MTUS2: variants seen among roughly 807,000 people sequenced by gnomAD.
The protein encoded by MTUS2 is microtubule associated scaffold protein 2.
In MTUS2, 40 loss-of-function variants were observed where a neutral mutation model predicts 114.1. The ratio of observed to expected loss-of-function variants is 0.35; its 90% confidence interval spans 0.27 to 0.46. The LOEUF (loss-of-function observed/expected upper bound fraction) is 0.46, where lower values mean the gene tolerates loss of function less well. Ranked by LOEUF, MTUS2 falls within the 20% of genes least tolerant of loss-of-function variation. The probability of loss-of-function intolerance (pLI) is 1.00; values close to 1 mark genes in which losing one functional copy is unlikely to be tolerated. For synonymous variants in MTUS2, 688 were observed against 672.0 expected (o/e 1.02, Z -0.37); for missense variants, 1,679 against 1,705.4 (o/e 0.98, Z 0.27).
At chr13:29,266,659 G>A (rs36015540) in intron 5 of MTUS2, among the ~76,000 whole-genome samples, 2,017 of 152,164 alleles carry the variant, frequency 0.013, 27 homozygotes, top group East Asian at 0.081. Flanking sequence ...GGCCCACCTC[G>A]GTCATGCCCA....
chr13:28,902,544 G>C (rs1879706173), intron 2 of MTUS2, among the ~76,000 whole-genome samples: 1 of 151,894 alleles, frequency 6.6e-6, no homozygotes, highest in African/African-American at 2.4e-5. Flanking sequence ...TCATGAGTGG[G>C]TGTTGGATTT....
chr13:29,389,332 T>TATGTATACACATGTGTGTAC lies in MTUS2; in HGVS notation c.3117+29861_3117+29862insGTATACACATGTGTGTACAT, dbSNP rs1217765810. On this transcript the variant is annotated intron_variant, in intron 8 of 15. Transcript: ENST00000612955. The stretch of plus-strand genomic sequence containing the variant: ...ATATATGTATACACATATGTGTGTA[T>TATGTATACACATGTGTGTAC]ATATGTATGCACGTGTGTGTATATA... Among the ~76,000 whole-genome samples, 16 of 48,066 alleles carry TATGTATACACATGTGTGTAC rather than the reference T, an allele frequency of 3.3e-4. 1 individual carries two copies. Among genetic ancestry groups the TATGTATACACATGTGTGTAC allele is most frequent in the African/African-American group, 7.0e-4 (16 of 22,868 alleles). 31.5% of individuals were successfully genotyped at this position (48,066 alleles called of 152,430 possible). A position where few individuals can be genotyped will look rare whatever the true frequency, so the allele number is the denominator to read the frequency against.
chr13:29,236,452 C>T (rs911490824), intron 5 of MTUS2, among the ~76,000 whole-genome samples: 1 of 152,282 alleles, frequency 6.6e-6, no homozygotes, highest in African/African-American at 2.4e-5. Context: ...AGGCAAGAAC[C>T]TAGAAAGCTG....
At chr13:29,098,170 G>C (rs1213059999) in intron 4 of MTUS2, among the ~76,000 whole-genome samples, 2 of 152,128 alleles carry the variant, frequency 1.3e-5, no homozygotes, top group African/African-American at 4.8e-5. Flanking sequence ...GACTTATACT[G>C]TGGGCTAAAT....
At chr13:29,453,790 A>G (rs1365831763) in intron 9 of MTUS2, among the ~76,000 whole-genome samples, 1 of 152,234 alleles carries the variant, frequency 6.6e-6, no homozygotes, top group East Asian at 1.9e-4. Context: ...AAATGAGTTC[A>G]TGTTTATGAA....
chr13:29,208,381 G>A lies in MTUS2; in HGVS notation c.2645-73323G>A, dbSNP rs146266645. ...TTTTGTTTATCTTTTCAAAGAACAA[G>A]CTTTTTGTTTCTTTTATCTTTTGTT... On this transcript the variant is annotated intron_variant, in intron 5 of 15. Coordinates refer to ENST00000612955, the MANE Select transcript of MTUS2 (RefSeq NM_001033602.4). Among the ~76,000 whole-genome samples, 79 of 151,938 alleles carry A rather than the reference G, an allele frequency of 5.2e-4. 1 individual carries two copies. The East Asian group carries it at 0.013, about 25-fold the overall frequency.
intron 8 of MTUS2, among the ~76,000 whole-genome samples, chr13:29,422,648 C>CTTTTTTTTTT (rs11342823): frequency 7.4e-5 from 5 of 67,978 alleles, no homozygotes; most frequent in African/African-American, 1.2e-4. Flanking sequence ...GATTTCTTTT[C>CTTTTTTTTTT]TTTTTTTTTT....
chr13:29,270,654 A>G (rs1440330009), intron 5 of MTUS2, among the ~76,000 whole-genome samples: 2 of 152,210 alleles, frequency 1.3e-5, no homozygotes, highest in African/African-American at 4.8e-5. Context: ...TGGGGCTGGT[A>G]CCATGCCCCG....
chr13:28,868,666 C>G (rs1877441217), intron 2 of MTUS2, among the ~76,000 whole-genome samples: 1 of 152,220 alleles, frequency 6.6e-6, no homozygotes, highest in African/African-American at 2.4e-5. Context: ...TCAGTATCAC[C>G]TGCCACCATC....
chr13:29,294,008 C>A (rs1898830370), intron 6 of MTUS2, among the ~76,000 whole-genome samples: 1 of 151,972 alleles, frequency 6.6e-6, no homozygotes, highest in African/African-American at 2.4e-5. Context: ...AAATTTTGTT[C>A]TTTCTATATT....
At chr13:28,998,038 C>G (rs541007285) in intron 2 of MTUS2, among the ~76,000 whole-genome samples, 171 of 152,250 alleles carry the variant, frequency 1.1e-3, no homozygotes, top group African/African-American at 4.0e-3. Context: ...CCAGTTGTTC[C>G]TTTCCATGTT....
chr13:29,403,558 G>T (rs1874512580), intron 8 of MTUS2, among the ~76,000 whole-genome samples: 1 of 152,206 alleles, frequency 6.6e-6, no homozygotes, highest in African/African-American at 2.4e-5. Flanking sequence ...CCTCCCAAAT[G>T]TGAGTGGCCC....
chr13:29,215,342 A>G (rs1410705857), intron 5 of MTUS2, among the ~76,000 whole-genome samples: 1 of 151,828 alleles, frequency 6.6e-6, no homozygotes, highest in Non-Finnish European at 1.5e-5. Context: ...GTTATTACCC[A>G]CTGTCTGAAT....
At chr13:29,005,198 C>T (rs748851994) in intron 2 of MTUS2, among the ~76,000 whole-genome samples, 4 of 152,156 alleles carry the variant, frequency 2.6e-5, no homozygotes, top group Non-Finnish European at 5.9e-5. Context: ...GTTTTGGCAG[C>T]AGAGCTCCTG....
intron 5 of MTUS2, among the ~76,000 whole-genome samples, chr13:29,119,841 G>A (rs1378598598): frequency 6.6e-6 from 1 of 152,150 alleles, no homozygotes; most frequent in Non-Finnish European, 1.5e-5. Flanking sequence ...GACACACCTA[G>A]AAATCAAGTT....
At chr13:29,046,197 C>T (rs1382227339) in intron 4 of MTUS2, among the ~76,000 whole-genome samples, 5 of 151,786 alleles carry the variant, frequency 3.3e-5, no homozygotes, top group East Asian at 1.9e-4. Context: ...ACTTCAGCCT[C>T]GACCTCCCAG....
At chr13:29,249,442 C>G (rs1331672320) in intron 5 of MTUS2, among the ~76,000 whole-genome samples, 1 of 152,140 alleles carries the variant, frequency 6.6e-6, no homozygotes, top group Non-Finnish European at 1.5e-5. Flanking sequence ...TATAAGTGTT[C>G]CTGTTTCTCC....
At chr13:29,009,020 C>T (rs887328533) in intron 2 of MTUS2, among the ~76,000 whole-genome samples, 3 of 150,586 alleles carry the variant, frequency 2.0e-5, no homozygotes, top group Admixed American at 2.0e-4. Flanking sequence ...CTCTTAGTTT[C>T]TTTTTTTTGG....
intron 2 of MTUS2, among the ~76,000 whole-genome samples, chr13:28,952,804 TC>T (rs1230852917): frequency 6.6e-6 from 1 of 152,248 alleles, no homozygotes; most frequent in Non-Finnish European, 1.5e-5. Flanking sequence ...TACATACTGT[TC>T]CATGGTATGG....
Sources: allele counts gnomAD v4.1 joint callset (sites outside exome capture counted in the v4.1 genomes callset), GRCh38; gene constraint gnomAD v4.1.1; transcripts MANE v1.5; gene names NCBI Gene and HGNC (gene_info 2026-07-23, HGNC 2026-07-21).